The following SHTN1 variants were observed in gnomAD, a reference collection of about 807,000 sequenced individuals.
SHTN1 encodes the protein shootin-1.
SHTN1 carries 42 observed loss-of-function variants against 83.1 expected under a neutral mutation model. The ratio of observed to expected loss-of-function variants is 0.51; its 90% CI spans 0.39 to 0.65. The LOEUF is 0.65. SHTN1 is among the 30% of genes least tolerant of loss of function. The pLI is 0.00. For synonymous variants in SHTN1, 224 were observed against 247.7 expected (o/e 0.90, Z 0.90); for missense variants, 622 against 737.8 (o/e 0.84, Z 1.82).
intron 1 of SHTN1, among the ~76,000 whole-genome samples, chr10:116,984,898 T>G (rs751758018): frequency 2.5e-4 from 38 of 152,324 alleles, no homozygotes; most frequent in Non-Finnish European, 4.7e-4. Context: ...CCCTAAACCC[T>G]CTAAGACCTT....
Position 117,124,122 on chromosome 10 carries a change from G to A in SHTN1, c.-189+2185C>T, listed in dbSNP as rs1205515848. On this transcript the variant is annotated intron_variant, in intron 1 of 17. Coordinates refer to the SHTN1 transcript ENST00000392901. ...GCTACTCAGGAGGCTGAGGTGGGAG[G>A]GTCCCTTGAGCCTGGGAGGTTGAAG... Among the ~76,000 whole-genome samples the A allele has an allele frequency of 2.6e-5, 4 of 151,208 alleles. No homozygotes were observed. The East Asian group carries it at 5.9e-4, about 22-fold the overall frequency.
At chr10:116,902,015 G>A (rs780749649) in intron 15 of SHTN1, 58 bp from the exon 16 acceptor site, 14 of 1,420,884 alleles carry the variant, frequency 9.9e-6, no homozygotes, top group Non-Finnish European at 1.3e-5. Flanking sequence ...TATTAATATG[G>A]TACTGAAAAA....
At chr10:117,036,271 A>G (rs1292739184) in intron 2 of SHTN1, among the ~76,000 whole-genome samples, 1 of 152,186 alleles carries the variant, frequency 6.6e-6, no homozygotes, top group African/African-American at 2.4e-5. Context: ...TGATCCAGCA[A>G]TCCCACTGCT....
intron 1 of SHTN1, among the ~76,000 whole-genome samples, chr10:117,072,186 G>C (rs1332440832): frequency 1.3e-5 from 2 of 152,182 alleles, no homozygotes; most frequent in East Asian, 3.9e-4. Context: ...TGTGCTGGAT[G>C]CTTCCTGGCC....
At chr10:117,095,087 G>C (rs1361294166) in intron 1 of SHTN1, among the ~76,000 whole-genome samples, 1 of 152,172 alleles carries the variant, frequency 6.6e-6, no homozygotes, top group Non-Finnish European at 1.5e-5. Flanking sequence ...TGTGTAAACC[G>C]TCAATCTCTT....
At chr10:116,901,120 C>T (rs890618440) in intron 16 of SHTN1, 2 of 985,222 alleles carry the variant, frequency 2.0e-6, no homozygotes, top group Admixed American at 6.1e-5. Context: ...AGCTGACATC[C>T]TGGCAAGAGA....
chr10:117,006,910 T>G (rs1453520128), upstream of SHTN1, among the ~76,000 whole-genome samples: 1 of 150,884 alleles, frequency 6.6e-6, no homozygotes, highest in East Asian at 1.9e-4. Flanking sequence ...ACTAAAATTT[T>G]GAAAAAAAAA....
At chr10:117,063,958 C>CA (rs1318552418) in intron 1 of SHTN1, among the ~76,000 whole-genome samples, 1 of 151,920 alleles carries the variant, frequency 6.6e-6, no homozygotes, top group Non-Finnish European at 1.5e-5. Context: ...TCACCATATT[C>CA]CCTAAAATAA....
chr10:117,123,702 C>T lies in SHTN1; in HGVS notation c.-189+2605G>A, dbSNP rs191137606. Among the ~76,000 whole-genome samples the T allele has an allele frequency of 2.5e-4, 37 of 149,552 alleles. No individual in the cohort carries two copies. In the East Asian group the frequency reaches 3.2e-3, roughly 13 times the overall value. ...GGTGGATTGCTTGAGGCCAGGAGTT[C>T]GAGACCAGCTTGGTCAACACGGTGA... On this transcript the variant is annotated intron_variant, in intron 1 of 17. Coordinates refer to the SHTN1 transcript ENST00000392901.
intron 1 of SHTN1, among the ~76,000 whole-genome samples, chr10:116,991,244 C>A (rs942698714): frequency 6.6e-6 from 1 of 152,100 alleles, no homozygotes; most frequent in Non-Finnish European, 1.5e-5. Flanking sequence ...TTGTAGTTTT[C>A]GTATTGAGTC....
chr10:117,032,215 T>C (rs1471280069), intron 2 of SHTN1, among the ~76,000 whole-genome samples: 5 of 152,102 alleles, frequency 3.3e-5, no homozygotes, highest in African/African-American at 7.2e-5. Flanking sequence ...AATTTTTTTT[T>C]CTTTTTGAGA....
At chr10:116,991,181 G>A (rs185080788) in intron 1 of SHTN1, among the ~76,000 whole-genome samples, 25 of 150,606 alleles carry the variant, frequency 1.7e-4, no homozygotes, top group Non-Finnish European at 3.1e-4. Context: ...GCAAGACTCC[G>A]TCTCAAAAAA....
At chr10:116,915,332 A>C in intron 13 of SHTN1, 43 bp downstream of exon 13, 1 of 1,035,668 alleles carries the variant, frequency 9.7e-7, no homozygotes, top group Middle Eastern at 2.1e-4. Context: ...CATTTAAAAA[A>C]GGAAATATCA....
chr10:116,970,972 T>G (rs1161334787), intron 2 of SHTN1, among the ~76,000 whole-genome samples: 1 of 152,154 alleles, frequency 6.6e-6, no homozygotes, highest in Non-Finnish European at 1.5e-5. Flanking sequence ...TTTTTGAATT[T>G]CAAGAGAAAT....
chr10:116,929,843 T>A lies in SHTN1; in HGVS notation c.1012+6A>T. 8.8e-6 allele frequency: 14 copies of A among 1,594,200 alleles called. No individual in the cohort carries two copies. Among genetic ancestry groups the A allele is most frequent in the Non-Finnish European group, 1.2e-5 (14 of 1,171,570 alleles). On this transcript the variant is annotated splice_donor_region_variant and intron_variant, in intron 10 of 16. Coordinates refer to ENST00000355371, the MANE Select transcript of SHTN1 (RefSeq NM_001127211.3). ...TAAGACATAGTAGCCTACTCAATGC[T>A]TTTACCAGAGTGCTTTAAATTTCTG...
intron 1 of SHTN1, among the ~76,000 whole-genome samples, chr10:117,122,100 T>C (rs1189412174): frequency 1.3e-5 from 2 of 152,186 alleles, no homozygotes; most frequent in Non-Finnish European, 2.9e-5. Flanking sequence ...AATAACCTAA[T>C]ACAATGTAAA....
intron 12 of SHTN1, among the ~76,000 whole-genome samples, chr10:116,918,950 T>C (rs940153269): frequency 3.9e-5 from 6 of 152,166 alleles, no homozygotes; most frequent in African/African-American, 1.2e-4. Context: ...TTACATTCAA[T>C]TATTAAAACT....
At chr10:116,977,368 T>C (rs1329036455) in intron 2 of SHTN1, among the ~76,000 whole-genome samples, 1 of 152,192 alleles carries the variant, frequency 6.6e-6, no homozygotes, top group Non-Finnish European at 1.5e-5. Flanking sequence ...ACTTGCTTTG[T>C]TCTTCTCGTG....
At chr10:116,922,793 T>C (rs528765938) in intron 11 of SHTN1, among the ~76,000 whole-genome samples, 1 of 152,104 alleles carries the variant, frequency 6.6e-6, no homozygotes, top group East Asian at 1.9e-4. Context: ...GGCAAAACCC[T>C]GTCTCTACTA....
Sources: gnomAD v4.1 joint callset for allele counts (sites outside exome capture counted in the v4.1 genomes callset) on GRCh38, gnomAD v4.1.1 for gene constraint, MANE v1.5 for transcripts, NCBI Gene and HGNC (gene_info 2026-07-23, HGNC 2026-07-21) for gene names.